Variants in SEPTIN9 observed in about 807,000 individuals in gnomAD.
SEPTIN9 encodes septin 9.
A neutral mutation model predicts 56.6 loss-of-function variants in SEPTIN9; 13 were observed. The observed-to-expected ratio is 0.23, with a 90% confidence interval of 0.15 to 0.37. SEPTIN9 has a LOEUF of 0.37. Among genes scored for constraint, SEPTIN9 ranks in the 10% least tolerant of loss-of-function variants. The pLI is 1.00. For synonymous variants in SEPTIN9, 332 were observed against 334.1 expected (o/e 0.99, Z 0.07); for missense variants, 650 against 823.1 (o/e 0.79, Z 2.57).
rs776671727 is a variant in SEPTIN9, at chr17:77,405,072, G to A, written c.721+2369G>A. ...TGTGGCTGGGGAGGCGGTTGTCACCGAGCCATCTAAATCTCGGTGATGGCT... is the reference window on the plus strand; with the variant it reads ...TGTGGCTGGGGAGGCGGTTGTCACCAAGCCATCTAAATCTCGGTGATGGCT... On this transcript the variant is annotated intron_variant, in intron 3 of 11. Transcript: ENST00000427177. This position sits in a 1 kb window ranked among gnomAD's most constrained non-coding sequence, Gnocchi z 5.8. The A allele has an allele frequency of 6.5e-7, 1 of 1,534,742 alleles. No homozygotes were observed.
intron 2 of SEPTIN9, among the ~76,000 whole-genome samples, chr17:77,320,552 T>C (rs781121530): frequency 1.3e-4 from 20 of 152,234 alleles, no homozygotes; most frequent in Non-Finnish European, 2.6e-4. Flanking sequence ...TTATTTAAAC[T>C]CGGCTCTCCT....
chr17:77,322,666 G>C (rs2032980592), intron 2 of SEPTIN9: 1 of 152,304 alleles, frequency 6.6e-6, no homozygotes, highest in African/African-American at 2.4e-5. Context: ...TCCGTCATCT[G>C]CAAGGTGAGG....
At chr17:77,438,004 G>A (rs1251858031) in intron 3 of SEPTIN9, among the ~76,000 whole-genome samples, 1 of 152,230 alleles carries the variant, frequency 6.6e-6, no homozygotes, top group African/African-American at 2.4e-5. Context: ...ATGCATGGGT[G>A]AGCAGCCCAC....
intron 10 of SEPTIN9, among the ~76,000 whole-genome samples, chr17:77,496,580 C>T (rs1003468110): frequency 6.6e-6 from 1 of 152,246 alleles, no homozygotes; most frequent in African/African-American, 2.4e-5. Flanking sequence ...AAAATGACCA[C>T]TCTGAGATGG....
In SEPTIN9 at chr17:77,436,591, TC is replaced by T. The variant is rs1358175426; in HGVS notation, c.721+33890del. ...GACCCTCAGCCTGGAATGATCAGTG[TC>T]CAGCTTTTCTCGCCCCTCTCCTGCC... On this transcript the variant is annotated intron_variant, in intron 3 of 11. Transcript: ENST00000427177. The surrounding 1 kb of genome is among the most constrained non-coding windows in gnomAD (Gnocchi z 4.4). Among the ~76,000 whole-genome samples, 1 of 152,210 alleles carries T rather than the reference TC, an allele frequency of 6.6e-6. No individual in the cohort carries two copies. Among genetic ancestry groups the T allele is most frequent in the African/African-American group, 2.4e-5 (1 of 41,462 alleles).
Position 77,451,555 on chromosome 17 carries a change from AGCCTT to A in SEPTIN9, c.722-30586_722-30582del, listed in dbSNP as rs2037970816. 1 of 985,174 alleles carries A rather than the reference AGCCTT, an allele frequency of 1.0e-6. No homozygotes were observed. The highest frequency in any genetic ancestry group is 1.7e-5 in the African/African-American group (1 of 57,206). The allele number at this position is 985,174 out of a possible 1,614,324, so 61.0% of individuals were successfully genotyped here. On this transcript the variant is annotated intron_variant, in intron 3 of 11. Transcript: ENST00000427177. This position sits in a 1 kb window ranked among gnomAD's most constrained non-coding sequence, Gnocchi z 4.2. ...TGAGTCCTGCTCCTTTGTTCTTCCC[AGCCTT>A]GCACCACTGGCTCGGGGGCTCTCAG...
chr17:77,428,547 C>T (rs1025815866), intron 3 of SEPTIN9, among the ~76,000 whole-genome samples: 1 of 152,228 alleles, frequency 6.6e-6, no homozygotes, highest in African/African-American at 2.4e-5. Context: ...GTCACAGGCT[C>T]GGCAGATGTT....
chr17:77,476,042 G>A lies in SEPTIN9; in HGVS notation c.722-6102G>A. 1 of 918,132 alleles carries A rather than the reference G, an allele frequency of 1.1e-6. No homozygotes were observed. The highest frequency in any genetic ancestry group is 1.7e-6 in the Non-Finnish European group (1 of 600,456). The allele number at this position is 918,132 out of a possible 1,614,324, so 56.9% of individuals were successfully genotyped here. ...CAGGCCCGGCTGTCACTCCCCTGGA[G>A]CTGGGAATGGCATTGGGCGGTGGCT... On this transcript the variant is annotated intron_variant, in intron 3 of 11. Transcript: ENST00000427177. The surrounding 1 kb of genome is among the most constrained non-coding windows in gnomAD (Gnocchi z 6.0).
chr17:77,307,995 C>T (rs959342304), intron 2 of SEPTIN9, among the ~76,000 whole-genome samples: 3 of 152,190 alleles, frequency 2.0e-5, no homozygotes, highest in African/African-American at 7.2e-5. Flanking sequence ...TTTCTGGGAG[C>T]CTACGTTGTT....
At chr17:77,294,940 A>G (rs2031738917) in intron 1 of SEPTIN9, 1 of 152,212 alleles carries the variant, frequency 6.6e-6, no homozygotes, top group Non-Finnish European at 1.5e-5. Flanking sequence ...CCGTTTCCAC[A>G]CCGGGATAGC....
chr17:77,321,675 A>C (rs2032938530), intron 2 of SEPTIN9, among the ~76,000 whole-genome samples: 1 of 152,086 alleles, frequency 6.6e-6, no homozygotes, highest in Admixed American at 6.5e-5. Flanking sequence ...GGCGTGAGCC[A>C]CGGCGCCCGG....
At position 77,326,427 on chromosome 17, in the gene SEPTIN9, G is replaced by A. The variant is rs111662166; in HGVS notation, c.76+19230G>A. Among the ~76,000 whole-genome samples, 172 of 152,306 alleles carry A rather than the reference G, an allele frequency of 1.1e-3. 6 individuals carry two copies. In the South Asian group the frequency reaches 0.025, roughly 23 times the overall value. ...AGGACCAGGTCAGGAGGGCTGCCTC[G>A]GGGGGACACCTTCGGGCTGAGCGCA... On this transcript the variant is annotated intron_variant, in intron 2 of 11. Coordinates refer to ENST00000427177, the MANE Select transcript of SEPTIN9 (RefSeq NM_001113491.2). The surrounding 1 kb of genome is among the most constrained non-coding windows in gnomAD (Gnocchi z 5.1).
rs1363787608 is a variant in SEPTIN9, at chr17:77,450,427, T to G, written c.722-31717T>G. 38 of 945,244 alleles carry G rather than the reference T, an allele frequency of 4.0e-5. No homozygotes were observed. The highest frequency in any genetic ancestry group is 4.8e-5 in the Non-Finnish European group (38 of 793,490). The allele number at this position is 945,244 out of a possible 1,614,324, so 58.6% of individuals were successfully genotyped here. ...AGGTGTCACCAAAGGCTTCTTTCCATTTGAGTGAATCCCTCCCAGCCCCCA... is the reference window on the plus strand; with the variant it reads ...AGGTGTCACCAAAGGCTTCTTTCCAGTTGAGTGAATCCCTCCCAGCCCCCA... On this transcript the variant is annotated intron_variant, in intron 3 of 11. Transcript: ENST00000427177. The surrounding 1 kb of genome is among the most constrained non-coding windows in gnomAD (Gnocchi z 6.0).
chr17:77,367,585 G>A lies in SEPTIN9; in HGVS notation c.77-34474G>A, dbSNP rs2034608667. 6.6e-6 allele frequency among the ~76,000 whole-genome samples: 1 copy of A among 152,104 alleles called. No individual in the cohort carries two copies. Among genetic ancestry groups the A allele is most frequent in the South Asian group, 2.1e-4 (1 of 4,830 alleles). On this transcript the variant is annotated intron_variant, in intron 2 of 11. Coordinates refer to ENST00000427177, the MANE Select transcript of SEPTIN9 (RefSeq NM_001113491.2). The surrounding 1 kb of genome is among the most constrained non-coding windows in gnomAD (Gnocchi z 4.5). ...AATCCCAGCACTTTGGGAGGCTGAGGAGGATGGATCACTTGAGGCCAGGAG... is the reference window on the plus strand; with the variant it reads ...AATCCCAGCACTTTGGGAGGCTGAGAAGGATGGATCACTTGAGGCCAGGAG...
At chr17:77,497,634 C>T (rs929491936) in intron 11 of SEPTIN9, 8 of 557,602 alleles carry the variant, frequency 1.4e-5, no homozygotes, top group East Asian at 3.1e-5. Context: ...TGGTCTGGCC[C>T]GTTAGAGCTG....
At chr17:77,469,372 C>A (rs1447469152) in intron 3 of SEPTIN9, 1 of 152,438 alleles carries the variant, frequency 6.6e-6, no homozygotes, top group African/African-American at 2.4e-5. Flanking sequence ...GCTGGGTGGT[C>A]GTCATTCCCT....
intron 2 of SEPTIN9, among the ~76,000 whole-genome samples, chr17:77,337,867 C>T (rs1287031163): frequency 2.6e-5 from 4 of 152,138 alleles, no homozygotes; most frequent in Non-Finnish European, 5.9e-5. Context: ...CAATAAAGCA[C>T]GTCACACAAA....
chr17:77,467,961 G>A (rs1012180632), intron 3 of SEPTIN9, among the ~76,000 whole-genome samples: 1 of 152,210 alleles, frequency 6.6e-6, no homozygotes, highest in Non-Finnish European at 1.5e-5. Context: ...GGAGGGCCAC[G>A]TGTGTAAGAA....
intron 3 of SEPTIN9, among the ~76,000 whole-genome samples, chr17:77,414,855 G>A (rs1199023381): frequency 1.3e-5 from 2 of 152,298 alleles, no homozygotes; most frequent in South Asian, 4.2e-4. Context: ...TGGAATTACA[G>A]GCGTGAGCTA....
Sources: allele counts gnomAD v4.1 joint callset (sites outside exome capture counted in the v4.1 genomes callset), GRCh38; gene constraint gnomAD v4.1.1; non-coding constraint Gnocchi (gnomAD v3.1); transcripts MANE v1.5; gene names NCBI Gene and HGNC (gene_info 2026-07-23, HGNC 2026-07-21).